The following TGFB2 variants were observed in gnomAD, a reference collection of about 807,000 sequenced individuals.
TGFB2 encodes the protein transforming growth factor beta-2 proprotein.
Under a neutral mutation model 42.7 loss-of-function variants are expected in TGFB2, and 13 were observed. The observed-to-expected ratio is 0.30, with a 90% confidence interval of 0.20 to 0.48. The LOEUF is 0.48. Ranked by LOEUF, TGFB2 falls within the 20% of genes least tolerant of loss-of-function variation. The pLI, the probability that TGFB2 is intolerant of heterozygous loss-of-function variation, is 0.99. For synonymous variants in TGFB2, 193 were observed against 193.6 expected (o/e 1.00, Z 0.03); for missense variants, 390 against 517.5 (o/e 0.75, Z 2.39).
At chr1:218,412,253 A>G (rs1439439677) in intron 2 of TGFB2, among the ~76,000 whole-genome samples, 1 of 152,222 alleles carries the variant, frequency 6.6e-6, no homozygotes, top group Non-Finnish European at 1.5e-5. Flanking sequence ...GAATTCAGAG[A>G]AATGCCTCAG....
chr1:218,432,499 CT>C (rs1659838787), intron 2 of TGFB2, among the ~76,000 whole-genome samples: 3 of 152,130 alleles, frequency 2.0e-5, no homozygotes, highest in African/African-American at 7.2e-5. Context: ...AGAAAAAAGT[CT>C]ACCATTATGG....
At chr1:218,412,649 A>T (rs1335309549) in intron 2 of TGFB2, among the ~76,000 whole-genome samples, 2 of 152,192 alleles carry the variant, frequency 1.3e-5, no homozygotes, top group Admixed American at 1.3e-4. Context: ...GGGGTTTATT[A>T]TGAGGGTGAA....
intron 1 of TGFB2, among the ~76,000 whole-genome samples, chr1:218,371,288 G>A (rs1571844416): frequency 6.6e-6 from 1 of 152,198 alleles, no homozygotes; most frequent in East Asian, 1.9e-4. Context: ...GCGATAGAGG[G>A]GAGACCCTGT....
At chr1:218,410,765 T>C (rs1306424536) in intron 2 of TGFB2, among the ~76,000 whole-genome samples, 2 of 152,240 alleles carry the variant, frequency 1.3e-5, no homozygotes, top group Non-Finnish European at 2.9e-5. Flanking sequence ...CCCATGATAG[T>C]TGTTATAGCT....
Position 218,390,783 on chromosome 1 carries a change from G to A in TGFB2, c.347-14386G>A, listed in dbSNP as rs1480367565. On this transcript the variant is annotated intron_variant, in intron 1 of 6. Transcript: ENST00000366930. ...CACCCTTGGCTCCATTCCAGATCTCGTTCATGCCACAGTTCATCTGGATTC... is the reference window on the plus strand; with the variant it reads ...CACCCTTGGCTCCATTCCAGATCTCATTCATGCCACAGTTCATCTGGATTC... 3.3e-5 allele frequency among the ~76,000 whole-genome samples: 5 copies of A among 152,108 alleles called. No individual in the cohort carries two copies. The East Asian group carries it at 5.8e-4, about 18-fold the overall frequency.
At position 218,412,522 on chromosome 1, in the gene TGFB2, C is replaced by T. The variant is rs1571881661; in HGVS notation, c.510+7190C>T. 7.9e-5 allele frequency among the ~76,000 whole-genome samples: 12 copies of T among 152,298 alleles called. No individual in the cohort carries two copies. In the South Asian group the frequency reaches 2.3e-3, roughly 29 times the overall value. ...CGTGTTTCAGTGTGCGTACTCACATCCCAGGATTTGGTGACTACGTCTGTC... is the reference window on the plus strand; with the variant it reads ...CGTGTTTCAGTGTGCGTACTCACATTCCAGGATTTGGTGACTACGTCTGTC... On this transcript the variant is annotated intron_variant, in intron 2 of 6. Transcript: ENST00000366930.
intron 1 of TGFB2, among the ~76,000 whole-genome samples, chr1:218,373,081 G>A (rs1013106733): frequency 6.6e-6 from 1 of 152,162 alleles, no homozygotes; most frequent in Non-Finnish European, 1.5e-5. Flanking sequence ...GGGAGGCTGA[G>A]GTAGGAGAAT....
At chr1:218,424,606 A>G (rs1183617534) in intron 2 of TGFB2, among the ~76,000 whole-genome samples, 1 of 152,230 alleles carries the variant, frequency 6.6e-6, no homozygotes, top group Non-Finnish European at 1.5e-5. Flanking sequence ...GCAGGCTAAC[A>G]TTGGAGACCA....
At chr1:218,426,661 C>T (rs1427808921) in intron 2 of TGFB2, among the ~76,000 whole-genome samples, 1 of 151,954 alleles carries the variant, frequency 6.6e-6, no homozygotes, top group Non-Finnish European at 1.5e-5. Context: ...CATGAGAAGC[C>T]CCCTTTTCTA....
At chr1:218,366,865 ACT>A (rs1465643555) in intron 1 of TGFB2, among the ~76,000 whole-genome samples, 2 of 152,056 alleles carry the variant, frequency 1.3e-5, no homozygotes, top group African/African-American at 4.8e-5. Context: ...GATCCAGTGG[ACT>A]CTCTGTTTGA....
intron 1 of TGFB2, among the ~76,000 whole-genome samples, chr1:218,403,498 G>A (rs557239428): frequency 1.1e-4 from 16 of 152,190 alleles, no homozygotes; most frequent in East Asian, 7.7e-4. Flanking sequence ...AATAAATCAC[G>A]GAAGGTATTT....
intron 1 of TGFB2, among the ~76,000 whole-genome samples, chr1:218,400,168 C>A (rs888247023): frequency 6.6e-6 from 1 of 151,092 alleles, no homozygotes; most frequent in Non-Finnish European, 1.5e-5. Flanking sequence ...GGGCTAGCTA[C>A]AAAATTTGCA....
chr1:218,437,443 T>C lies in TGFB2; in HGVS notation c.1033T>C (p.Phe345Leu), dbSNP rs748732392. 6.2e-7 allele frequency: 1 copy of C among 1,613,702 alleles called. No individual in the cohort carries two copies. The highest frequency in any genetic ancestry group is 8.5e-7 in the Non-Finnish European group (1 of 1,179,844). ...CGAACCCAAAGGGTACAATGCCAAC[T>C]TCTGTGCTGGAGCATGCCCGTATTT... The part of the protein sequence containing the change: ...IHEPKGYNAN[F>L]CAGACPYLWS... The change falls in exon 6 of 7, where the codon TTC (phenylalanine) becomes CTC (leucine). Residue 345 changes from phenylalanine (F) to leucine (L), a missense_variant. Transcript: ENST00000366930.
chr1:218,438,544 A>G (rs911168594), intron 6 of TGFB2, among the ~76,000 whole-genome samples: 5 of 152,178 alleles, frequency 3.3e-5, no homozygotes, highest in Non-Finnish European at 7.3e-5. Flanking sequence ...ACAAAAGATG[A>G]TATACATGAA....
intron 2 of TGFB2, among the ~76,000 whole-genome samples, chr1:218,410,118 T>A (rs1659047926): frequency 6.6e-6 from 1 of 152,340 alleles, no homozygotes; most frequent in African/African-American, 2.4e-5. Context: ...GTGACTCACA[T>A]GTGTGATTGT....
Position 218,346,806 on chromosome 1 carries a change from G to A in TGFB2, c.105G>A (p.Lys35=). The change falls in exon 1 of 7, where the codon AAG becomes AAA. Residue 35 remains lysine, a synonymous_variant. Transcript: ENST00000366930. This position sits in a 1 kb window ranked among gnomAD's most constrained non-coding sequence, Gnocchi z 4.9. ...TCGATATGGACCAGTTCATGCGCAA[G>A]AGGATCGAGGCGATCCGCGGGCAGA... The part of the protein sequence containing the change: ...STLDMDQFMR[K]RIEAIRGQIL... The A allele has an allele frequency of 1.9e-6, 3 of 1,614,186 alleles. No homozygotes were observed. The highest frequency in any genetic ancestry group is 2.5e-6 in the Non-Finnish European group (3 of 1,180,034).
At chr1:218,423,645 A>G (rs574080487) in intron 2 of TGFB2, among the ~76,000 whole-genome samples, 2 of 152,334 alleles carry the variant, frequency 1.3e-5, no homozygotes, top group East Asian at 3.9e-4. Context: ...TTAGGCTTCT[A>G]GGGATGAAAG....
In TGFB2 at chr1:218,441,483, A is replaced by T. The variant is rs1660150701; in HGVS notation, c.*121A>T. ...AGCCTTGGTTCATCAGTGTTAAAAA[A>T]TTTTTGAAAAGGCGGTACTAGTTCA... is the stretch of plus-strand genomic sequence containing the variant. On this transcript the variant is annotated 3_prime_UTR_variant, in exon 7 of 7. Transcript: ENST00000366930. 2 of 1,155,210 alleles carry T rather than the reference A, an allele frequency of 1.7e-6. No homozygotes were observed. Among genetic ancestry groups the T allele is most frequent in the Non-Finnish European group, 2.3e-6 (2 of 854,490 alleles). The allele number at this position is 1,155,210 out of a possible 1,614,324, so 71.6% of individuals were successfully genotyped here.
chr1:218,387,492 C>T (rs1344396002), intron 1 of TGFB2, among the ~76,000 whole-genome samples: 2 of 152,098 alleles, frequency 1.3e-5, no homozygotes, highest in Non-Finnish European at 2.9e-5. Flanking sequence ...GCTTTCTCAC[C>T]TTGAACCCAG....
Sources: allele counts gnomAD v4.1 joint callset (sites outside exome capture counted in the v4.1 genomes callset), GRCh38; gene constraint gnomAD v4.1.1; non-coding constraint Gnocchi (gnomAD v3.1); transcripts MANE v1.5; gene names NCBI Gene and HGNC (gene_info 2026-07-23, HGNC 2026-07-21).